Variants in WDR1 observed in about 807,000 individuals in gnomAD.
The protein encoded by WDR1 is WD repeat domain 1, also known as WD repeat-containing protein 1.
Under a neutral mutation model 71.9 loss-of-function variants are expected in WDR1, and 21 were observed. The ratio of observed to expected loss-of-function variants is 0.29; its 90% CI spans 0.21 to 0.42. The LOEUF (loss-of-function observed/expected upper bound fraction) is 0.42, where lower values mean the gene tolerates loss of function less well. Among genes scored for constraint, WDR1 ranks in the 10% least tolerant of loss-of-function variants. The probability of loss-of-function intolerance (pLI) is 1.00; values close to 1 mark genes in which losing one functional copy is unlikely to be tolerated. For synonymous variants in WDR1, 424 were observed against 347.4 expected (o/e 1.22, Z -2.45); for missense variants, 696 against 824.5 (o/e 0.84, Z 1.91).
chr4:10,111,445 C>T (rs974521329), intron 2 of WDR1, among the ~76,000 whole-genome samples: 1 of 152,186 alleles, frequency 6.6e-6, no homozygotes, highest in Non-Finnish European at 1.5e-5. Context: ...GACTGAAGGC[C>T]TAGAGGTTCC....
intron 2 of WDR1, among the ~76,000 whole-genome samples, chr4:10,106,220 G>A (rs1309959542): frequency 6.6e-6 from 1 of 152,148 alleles, no homozygotes; most frequent in Non-Finnish European, 1.5e-5. Flanking sequence ...GCCACACACT[G>A]AATACAGACA....
At chr4:10,077,978 C>T (rs1397722703) in intron 12 of WDR1, 52 bp from the exon 13 acceptor site, 3 of 1,514,616 alleles carry the variant, frequency 2.0e-6, no homozygotes, top group African/African-American at 2.8e-5. Flanking sequence ...ACACACCACA[C>T]CCATCCTTTG....
intron 2 of WDR1, among the ~76,000 whole-genome samples, chr4:10,110,249 C>G (rs566805657): frequency 6.6e-6 from 1 of 152,152 alleles, no homozygotes; most frequent in Admixed American, 6.5e-5. Flanking sequence ...ACTGAGACGG[C>G]GAAGAGACGC....
Position 10,081,462 on chromosome 4 carries a change from A to C in WDR1, c.1197-18T>G. The C allele has an allele frequency of 6.2e-7, 1 of 1,611,674 alleles. No individual in the cohort carries two copies. The highest frequency in any genetic ancestry group is 8.5e-7 in the Non-Finnish European group (1 of 1,177,850). On this transcript the variant is annotated intron_variant, in intron 10 of 14. Transcript: ENST00000499869. ...CTTGTCCGCTGTTAGAGAGAAAGGAAGCACATTACTTCGACAATGCAGCAG... is the reference window on the plus strand; with the variant it reads ...CTTGTCCGCTGTTAGAGAGAAAGGACGCACATTACTTCGACAATGCAGCAG...
At chr4:10,115,703 C>A (rs954295857) in intron 2 of WDR1, 6 of 155,950 alleles carry the variant, frequency 3.8e-5, no homozygotes, top group Non-Finnish European at 7.1e-5. Context: ...ATGCCCAAAT[C>A]GCCAATCTTC....
Position 10,101,371 on chromosome 4 carries a change from G to A in WDR1, c.230-2232C>T, listed in dbSNP as rs565406619. On this transcript the variant is annotated intron_variant, in intron 3 of 14. Transcript: ENST00000499869. The stretch of plus-strand genomic sequence containing the variant: ...GGCAACCCACTTAGTGGGCCAGCAC[G>A]GCTCTTTCTCAGCCCCCTTCTCCAA... Among the ~76,000 whole-genome samples, 6 of 152,358 alleles carry A rather than the reference G, an allele frequency of 3.9e-5. No homozygotes were observed. The South Asian group carries it at 6.2e-4, about 16-fold the overall frequency.
rs760248096 is a variant in WDR1 at position 10,099,071 on chromosome 4, G to T, written c.298C>A (p.Pro100Thr). 1.2e-6 allele frequency: 2 copies of T among 1,613,838 alleles called. No individual in the cohort carries two copies. Among genetic ancestry groups the T allele is most frequent in the Non-Finnish European group, 1.7e-6 (2 of 1,179,856 alleles). Residue 100 changes from proline to threonine, a missense_variant, in exon 4 of 15, where the codon CCT becomes ACT. Physicochemically the swap from Pro to Thr is conservative, Grantham distance 38 (BLOSUM62 -1). Coordinates refer to ENST00000499869, the MANE Select transcript of WDR1 (RefSeq NM_017491.5). ...ATGTCTTTGATCTTCCCAGCGAAAGGCTGGTACTCATACTTCAACAGGTGC... is the reference window on the plus strand; with the variant it reads ...ATGTCTTTGATCTTCCCAGCGAAAGTCTGGTACTCATACTTCAACAGGTGC... ...KEHLLKYEYQ[P>T]FAGKIKDIAW...
chr4:10,098,239 A>G (rs1436100065), intron 4 of WDR1, among the ~76,000 whole-genome samples: 1 of 152,212 alleles, frequency 6.6e-6, no homozygotes, highest in Non-Finnish European at 1.5e-5. Context: ...CCCCTACAGG[A>G]ATGAGATGCC....
rs1460879435 is a variant in WDR1 at position 10,075,324 on chromosome 4, G to A, written c.*54C>T. 2.3e-5 allele frequency: 34 copies of A among 1,505,244 alleles called. 1 individual carries two copies. In the East Asian group the frequency reaches 6.6e-4, roughly 29 times the overall value. The allele number at this position is 1,505,244 out of a possible 1,614,324, so 93.2% of individuals were successfully genotyped here. ...AAATAGAGAAATGACATGTTCCGCT[G>A]CAGTTAAACTCTAGTCCCTGATTCG... On this transcript the variant is annotated 3_prime_UTR_variant, in exon 15 of 15. Coordinates refer to ENST00000499869, the MANE Select transcript of WDR1 (RefSeq NM_017491.5).
chr4:10,106,823 T>TC (rs1440897602), intron 2 of WDR1, among the ~76,000 whole-genome samples: 1 of 152,146 alleles, frequency 6.6e-6, no homozygotes, highest in Non-Finnish European at 1.5e-5. Flanking sequence ...AGCAGCCTCC[T>TC]CCCCAGCTCC....
At chr4:10,100,384 A>C (rs577867862) in intron 3 of WDR1, among the ~76,000 whole-genome samples, 1 of 152,346 alleles carries the variant, frequency 6.6e-6, no homozygotes, top group Admixed American at 6.5e-5. Flanking sequence ...CCACGAGTTA[A>C]CACGTGCGAA....
At chr4:10,116,082 C>A in intron 2 of WDR1, 31 bp downstream of exon 2, 2 of 1,603,682 alleles carry the variant, frequency 1.2e-6, no homozygotes, top group Non-Finnish European at 1.7e-6. Flanking sequence ...GGCTCCGGAG[C>A]AGAACCGCGC....
At chr4:10,095,190 C>A (rs556604933) in intron 5 of WDR1, among the ~76,000 whole-genome samples, 77 of 152,316 alleles carry the variant, frequency 5.1e-4, no homozygotes, top group Non-Finnish European at 7.5e-4. Flanking sequence ...AGCGCTGGTG[C>A]GGAGGCAAAG....
intron 3 of WDR1, 76 bp downstream of exon 3, chr4:10,103,820 A>T (rs1453085656): frequency 1.8e-6 from 2 of 1,127,412 alleles, no homozygotes; most frequent in Admixed American, 2.1e-5. Flanking sequence ...CAAGGCCAGA[A>T]GCCCAGCTTC....
intron 4 of WDR1, 36 bp from the exon 5 acceptor site, chr4:10,097,927 A>T: frequency 1.3e-6 from 2 of 1,508,948 alleles, no homozygotes; most frequent in Middle Eastern, 1.8e-4. Context: ...ACAAAAAAAA[A>T]AAAAAAAAAT....
chr4:10,090,754 G>A (rs1481575747), intron 5 of WDR1, among the ~76,000 whole-genome samples: 1 of 152,340 alleles, frequency 6.6e-6, no homozygotes, highest in Non-Finnish European at 1.5e-5. Context: ...ATGAAAGCCG[G>A]AGAAATCACA....
rs1764752195 is a variant in WDR1 at position 10,075,184 on chromosome 4, CT to C, written c.*193del. On this transcript the variant is annotated 3_prime_UTR_variant, in exon 15 of 15. Transcript: ENST00000499869. ...GCTCGCTTTATTTTTCATGTGCAAA[CT>C]GTTACTGTCTAAAGCTTTCAGAAGA... The C allele has an allele frequency of 7.1e-6, 4 of 562,618 alleles. No individual in the cohort carries two copies. Among genetic ancestry groups the C allele is most frequent in the Non-Finnish European group, 1.3e-5 (4 of 315,558 alleles). 34.9% of individuals were successfully genotyped at this position (562,618 alleles called of 1,614,324 possible).
chr4:10,106,968 C>T (rs757762273), intron 2 of WDR1, among the ~76,000 whole-genome samples: 36 of 152,022 alleles, frequency 2.4e-4, no homozygotes, highest in Non-Finnish European at 4.4e-4. Context: ...TGCCCCTCTC[C>T]CCCCAGCCTC....
intron 5 of WDR1, among the ~76,000 whole-genome samples, chr4:10,090,686 C>T (rs113133542): frequency 1.3e-3 from 202 of 152,356 alleles, no homozygotes; most frequent in Admixed American, 2.3e-3. Flanking sequence ...GCCCAGCAGG[C>T]CCTGGCCCTG....
Sources: allele counts gnomAD v4.1 joint callset (sites outside exome capture counted in the v4.1 genomes callset), GRCh38; gene constraint gnomAD v4.1.1; transcripts MANE v1.5; gene names NCBI Gene and HGNC (gene_info 2026-07-23, HGNC 2026-07-21).